Variants in USP6 observed in about 807,000 individuals in gnomAD.
The protein encoded by USP6 is ubiquitin carboxyl-terminal hydrolase 6.
A neutral mutation model predicts 175.7 loss-of-function variants in USP6; 128 were observed. That is an observed-to-expected ratio of 0.73 (90% CI 0.63 to 0.84). The LOEUF is 0.84. USP6 is among the 40% of genes least tolerant of loss of function. The pLI, the probability that USP6 is intolerant of heterozygous loss-of-function variation, is 0.00. For missense variants in USP6, 1,498 were observed against 1,760.3 expected (o/e 0.85, Z 2.67); for synonymous variants, 562 against 630.6 (o/e 0.89, Z 1.63).
chr17:5,126,576 G>A (rs989694006), intron 6 of USP6, among the ~76,000 whole-genome samples: 6 of 152,104 alleles, frequency 3.9e-5, no homozygotes, highest in East Asian at 3.8e-4. Context: ...GTCTCTTTGC[G>A]TTTTGTGTCT....
intron 26 of USP6, 82 bp from the exon 27 acceptor site, chr17:5,145,323 A>C: frequency 6.9e-7 from 1 of 1,450,782 alleles, no homozygotes. Context: ...AATCCAATAT[A>C]TTTAACCAGT....
chr17:5,172,342 T>C (rs1235995236), intron 37 of USP6, among the ~76,000 whole-genome samples: 4 of 151,376 alleles, frequency 2.6e-5, no homozygotes, highest in Admixed American at 6.6e-5. Context: ...CCATCCTGGC[T>C]AATATGGTGA....
chr17:5,135,725 G>A (rs1053109946), intron 16 of USP6, 83 bp from the exon 17 acceptor site: 64 of 1,596,262 alleles, frequency 4.0e-5, no homozygotes, highest in Non-Finnish European at 5.0e-5. Context: ...AGTCACCTCT[G>A]CCCTCTCCAA....
chr17:5,158,668 A>ATT (rs2073946134), intron 31 of USP6, among the ~76,000 whole-genome samples: 2 of 122,586 alleles, frequency 1.6e-5, no homozygotes, highest in South Asian at 3.2e-4. Context: ...AGAGAGAGAG[A>ATT]GAGATTGAGA....
In USP6 at chr17:5,135,796, T is replaced by G; in HGVS notation, c.544-12T>G. On this transcript the variant is annotated splice_polypyrimidine_tract_variant and intron_variant, in intron 16 of 37. Transcript: ENST00000574788. ...AGGTGATGTCCTTCCATGGTGACTC[T>G]GGCTCTTGCAGGAGGTGGGCTACTG... 2 of 1,597,768 alleles carry G rather than the reference T, an allele frequency of 1.3e-6. No homozygotes were observed. The highest frequency in any genetic ancestry group is 1.7e-6 in the Non-Finnish European group (2 of 1,179,716).
At chr17:5,120,050 G>A (rs1261823011) in intron 2 of USP6, among the ~76,000 whole-genome samples, 2 of 152,114 alleles carry the variant, frequency 1.3e-5, no homozygotes, top group African/African-American at 4.8e-5. Flanking sequence ...GAGGCCTTAC[G>A]TGCCCTCTCC....
chr17:5,135,240 G>A lies in USP6; in HGVS notation c.501G>A (p.Arg167=), dbSNP rs947672651. 3 of 1,612,768 alleles carry A rather than the reference G, an allele frequency of 1.9e-6. No homozygotes were observed. Among genetic ancestry groups the A allele is most frequent in the African/African-American group, 2.7e-5 (2 of 74,860 alleles). Residue 167 remains arginine, a synonymous_variant, in exon 16 of 38, where the codon AGG becomes AGA. Transcript: ENST00000574788. ...CCCTTTCTGTGTTTCCTAGGCAGAG[G>A]GAACTATTCTACATCCTCCTGGCCT... ...FFRDRYGAKQ[R]ELFYILLAYS... is the part of the protein sequence containing the mutation.
intron 4 of USP6, among the ~76,000 whole-genome samples, chr17:5,124,119 G>C (rs1024798419): frequency 6.6e-6 from 1 of 152,178 alleles, no homozygotes; most frequent in African/African-American, 2.4e-5. Flanking sequence ...TCAACTATAC[G>C]AGGACACTGC....
chr17:5,167,843 G>T (rs2074125988), intron 33 of USP6, 89 bp from the exon 34 acceptor site: 2 of 1,452,476 alleles, frequency 1.4e-6, no homozygotes, highest in East Asian at 2.3e-5. Flanking sequence ...TAAAATAAGG[G>T]TGAGTGACCG....
chr17:5,139,061 C>T, intron 21 of USP6, 194 bp from the exon 22 acceptor site: 1 of 1,589,156 alleles, frequency 6.3e-7, no homozygotes, highest in Non-Finnish European at 8.5e-7. Context: ...CACCATGCCC[C>T]AACGGCTTCC....
intron 28 of USP6, 89 bp from the exon 29 acceptor site, chr17:5,146,994 A>G (rs1348536051): frequency 7.6e-7 from 1 of 1,319,476 alleles, no homozygotes; most frequent in East Asian, 2.5e-5. Flanking sequence ...GAAAGGACCT[A>G]AGACATTCTT....
intron 31 of USP6, among the ~76,000 whole-genome samples, chr17:5,160,431 G>T (rs1284628729): frequency 3.3e-5 from 5 of 152,042 alleles, no homozygotes; most frequent in Non-Finnish European, 7.3e-5. Context: ...AGTAGGAATT[G>T]TATATACATC....
intron 26 of USP6, 73 bp from the exon 27 acceptor site, chr17:5,145,332 G>A: frequency 1.4e-6 from 2 of 1,469,318 alleles, no homozygotes; most frequent in Non-Finnish European, 1.8e-6. Context: ...TATTTAACCA[G>A]TTTCTGTGAA....
At chr17:5,139,775 G>A (rs2073386771) in intron 22 of USP6, 101 bp downstream of exon 22, 6 of 1,595,560 alleles carry the variant, frequency 3.8e-6, no homozygotes, top group East Asian at 2.2e-5. Context: ...CTCCTTTGCA[G>A]CTAGGGACGA....
chr17:5,123,122 G>A (rs2072751648), intron 4 of USP6: 1 of 154,034 alleles, frequency 6.5e-6, no homozygotes, highest in Non-Finnish European at 1.5e-5. Flanking sequence ...CCGTCAGAGG[G>A]GCGGCGGCAG....
intron 4 of USP6, among the ~76,000 whole-genome samples, chr17:5,122,177 A>G (rs1018280625): frequency 6.6e-6 from 1 of 151,996 alleles, no homozygotes; most frequent in Non-Finnish European, 1.5e-5. Context: ...TGGTGCACGC[A>G]GAAGAGAGGT....
rs1430148472 is a variant in USP6, at chr17:5,135,885, G to A, written c.621G>A (p.Trp207Ter). The change falls in exon 17 of 38, where the codon TGG (tryptophan) becomes TGA (stop). Residue 207 changes from tryptophan (W) to a stop codon, truncating the protein, a stop_gained. Transcript: ENST00000574788. LOFTEE classifies it high-confidence loss of function. ...ATCTGCCTGAGGAGGACGCATTCTG[G>A]GCACTGGTGCAGCTGCTGGCCAGTG... The part of the protein sequence containing the change: ...LLYLPEEDAF[W>*]ALVQLLASER... 2 of 1,599,352 alleles carry A rather than the reference G, an allele frequency of 1.3e-6. No individual in the cohort carries two copies. The highest frequency in any genetic ancestry group is 1.7e-6 in the Non-Finnish European group (2 of 1,179,796).
chr17:5,131,160 G>A (rs1160588480), intron 11 of USP6, among the ~76,000 whole-genome samples: 1 of 152,100 alleles, frequency 6.6e-6, no homozygotes, highest in Non-Finnish European at 1.5e-5. Flanking sequence ...CATGGGGAAG[G>A]GGGAAAGGTG....
chr17:5,170,810 T>C lies in USP6; in HGVS notation c.3849T>C (p.Asp1283=), dbSNP rs761139038. 4.3e-6 allele frequency: 7 copies of C among 1,613,548 alleles called. No individual in the cohort carries two copies. Among genetic ancestry groups the C allele is most frequent in the South Asian group, 2.2e-5 (2 of 91,050 alleles). Residue 1283 remains aspartate (D), a synonymous_variant, in exon 36 of 38, where the codon GAT becomes GAC. Coordinates refer to ENST00000574788, the MANE Select transcript of USP6 (RefSeq NM_001304284.2). The stretch of plus-strand genomic sequence containing the variant: ...AAGCATGTGGCAATGGCTGTGGCGA[T>C]GGCTACAGCAATGGTCAGCTTGGAA... ...EHEACGNGCG[D]GYSNGQLGNH... is the part of the protein sequence containing the mutation.
Sources: allele counts gnomAD v4.1 joint callset (sites outside exome capture counted in the v4.1 genomes callset), GRCh38; gene constraint gnomAD v4.1.1; transcripts MANE v1.5; gene names NCBI Gene and HGNC (gene_info 2026-07-23, HGNC 2026-07-21).